USP15: variants seen among roughly 807,000 people sequenced by gnomAD.
USP15 encodes ubiquitin carboxyl-terminal hydrolase 15.
A neutral mutation model predicts 127.1 loss-of-function variants in USP15; 18 were observed. The observed-to-expected ratio is 0.14, with a 90% confidence interval of 0.10 to 0.21. USP15 has a LOEUF of 0.21. Among genes scored for constraint, USP15 ranks in the 10% least tolerant of loss-of-function variants. USP15 has a pLI of 1.00. For missense variants in USP15, 805 were observed against 1,159.9 expected (o/e 0.69, Z 4.44); for synonymous variants, 364 against 393.7 (o/e 0.92, Z 0.89).
At chr12:62,383,744 A>G (rs1387358730) in intron 9 of USP15, 96 bp from the exon 10 acceptor site, 4 of 1,330,962 alleles carry the variant, frequency 3.0e-6, no homozygotes, top group African/African-American at 3.0e-5. Context: ...CAAATTCACA[A>G]ATGTGGAATC....
intron 8 of USP15, among the ~76,000 whole-genome samples, chr12:62,359,252 AAAAG>A (rs1272859788): frequency 2.6e-5 from 4 of 151,654 alleles, no homozygotes; most frequent in African/African-American, 9.7e-5. Flanking sequence ...AAAAAAAAAA[AAAAG>A]AAACACATAA....
intron 8 of USP15, among the ~76,000 whole-genome samples, chr12:62,355,800 T>G (rs374843115): frequency 1.1e-4 from 16 of 149,070 alleles, no homozygotes; most frequent in African/African-American, 3.9e-4. Context: ...CATTATTCAG[T>G]AGAAGTCTGT....
At chr12:62,330,067 C>G (rs920171521) in intron 6 of USP15, among the ~76,000 whole-genome samples, 2 of 151,826 alleles carry the variant, frequency 1.3e-5, no homozygotes, top group Non-Finnish European at 2.9e-5. Context: ...ATCTTTAAAA[C>G]TAGATGAAAC....
At chr12:62,280,936 T>G (rs2063629176) in intron 1 of USP15, among the ~76,000 whole-genome samples, 2 of 152,330 alleles carry the variant, frequency 1.3e-5, no homozygotes, top group South Asian at 4.1e-4. Flanking sequence ...TTGGTTGATA[T>G]CCTAATGACT....
intron 8 of USP15, among the ~76,000 whole-genome samples, chr12:62,356,991 C>T (rs2066151071): frequency 1.3e-5 from 2 of 151,928 alleles, no homozygotes; most frequent in Admixed American, 1.3e-4. Flanking sequence ...TTTTATGTAC[C>T]TCTTTATCCT....
Position 62,405,325 on chromosome 12 carries a change from C to T in USP15, c.*950C>T, listed in dbSNP as rs1008396698. The T allele has an allele frequency of 1.1e-4, 17 of 152,132 alleles. 1 individual carries two copies. The highest frequency in any genetic ancestry group is 9.2e-4 in the Admixed American group (14 of 15,268). The allele number at this position is 152,132 out of a possible 1,614,324, so 9.4% of individuals were successfully genotyped here. On this transcript the variant is annotated 3_prime_UTR_variant, in exon 22 of 22. Coordinates refer to ENST00000280377, the MANE Select transcript of USP15 (RefSeq NM_001252078.2). ...TTAGATGAGAAATTTTTTTCATATA[C>T]TGGCCTTTAAATCATTAATGGACAA...
At chr12:62,315,533 A>G (rs919584239) in intron 4 of USP15, among the ~76,000 whole-genome samples, 5 of 152,188 alleles carry the variant, frequency 3.3e-5, no homozygotes, top group Non-Finnish European at 4.4e-5. Context: ...AATAAAAATT[A>G]CATGGTTTTT....
At chr12:62,260,631 G>A (rs902458954) in intron 1 of USP15, 128 bp downstream of exon 1, 1 of 830,832 alleles carries the variant, frequency 1.2e-6, no homozygotes. Context: ...GGGGCAGCGG[G>A]ATTTTGGCCG....
At position 62,408,942 on chromosome 12, in the gene USP15, T is replaced by TATTTTATAAGCTACATAGAATACATCAAA. The variant is rs2067965784; in HGVS notation, c.*4580_*4608dup. 6.6e-6 allele frequency: 1 copy of TATTTTATAAGCTACATAGAATACATCAAA among 152,156 alleles called. No individual in the cohort carries two copies. Among genetic ancestry groups the TATTTTATAAGCTACATAGAATACATCAAA allele is most frequent in the African/African-American group, 2.4e-5 (1 of 41,454 alleles). The allele number at this position is 152,156 out of a possible 1,614,324, so 9.4% of individuals were successfully genotyped here. A position where few individuals can be genotyped will look rare whatever the true frequency, so the allele number is the denominator to read the frequency against. On this transcript the variant is annotated 3_prime_UTR_variant, in exon 22 of 22. Transcript: ENST00000280377. ...AGAAAACTTTGGTTTAAAATTGAGT[T>TATTTTATAAGCTACATAGAATACATCAAA]ATTTTATAAGCTACATAGAATACAT...
At chr12:62,369,854 A>G (rs1274475955) in intron 8 of USP15, among the ~76,000 whole-genome samples, 1 of 152,202 alleles carries the variant, frequency 6.6e-6, no homozygotes, top group East Asian at 1.9e-4. Flanking sequence ...TTCCTTTTAT[A>G]CTTACAGTAG....
chr12:62,357,842 A>C (rs2066184006), intron 8 of USP15, among the ~76,000 whole-genome samples: 1 of 152,106 alleles, frequency 6.6e-6, no homozygotes, highest in Admixed American at 6.6e-5. Flanking sequence ...GAGGGAGTAC[A>C]AAATGGTGGC....
intron 5 of USP15, 156 bp downstream of exon 5, chr12:62,321,765 CT>C: frequency 4.0e-6 from 2 of 500,208 alleles, no homozygotes; most frequent in Non-Finnish European, 6.4e-6. Context: ...CTGACTCTGA[CT>C]TTTGATTCCC....
At chr12:62,314,080 A>G (rs542548754) in intron 3 of USP15, 5 of 809,032 alleles carry the variant, frequency 6.2e-6, no homozygotes, top group Admixed American at 6.2e-5. Flanking sequence ...TAATATATAC[A>G]TATTTCCTTT....
At chr12:62,341,034 C>T (rs963559281) in intron 6 of USP15, among the ~76,000 whole-genome samples, 1 of 152,110 alleles carries the variant, frequency 6.6e-6, no homozygotes, top group Admixed American at 6.5e-5. Flanking sequence ...TCTCTAAGAA[C>T]TTGTTTTATG....
chr12:62,404,577 A>G lies in USP15; in HGVS notation c.*202A>G, dbSNP rs1025509939. 3.7e-6 allele frequency: 2 copies of G among 546,972 alleles called. No homozygotes were observed. Among genetic ancestry groups the G allele is most frequent in the Non-Finnish European group, 5.4e-6 (2 of 368,578 alleles). 33.9% of individuals were successfully genotyped at this position (546,972 alleles called of 1,614,324 possible). On this transcript the variant is annotated 3_prime_UTR_variant, in exon 22 of 22. Coordinates refer to ENST00000280377, the MANE Select transcript of USP15 (RefSeq NM_001252078.2). ...TTTAACAGAAATTGTCTCTTAATAC[A>G]TTTACAGTCTTGTATTTACAAGCTA...
At chr12:62,350,038 TA>T (rs1457655814) in intron 7 of USP15, among the ~76,000 whole-genome samples, 1 of 151,960 alleles carries the variant, frequency 6.6e-6, no homozygotes, top group Non-Finnish European at 1.5e-5. Flanking sequence ...TTGACATGTA[TA>T]GTGCCTTTTA....
intron 1 of USP15, among the ~76,000 whole-genome samples, chr12:62,284,664 CATT>C (rs1005922176): frequency 1.8e-4 from 28 of 152,296 alleles, no homozygotes; most frequent in Middle Eastern, 3.4e-3. Flanking sequence ...TTAAATCTCT[CATT>C]AACCTTTATC....
intron 11 of USP15, among the ~76,000 whole-genome samples, chr12:62,384,579 C>A (rs2067089031): frequency 6.6e-6 from 1 of 151,346 alleles, no homozygotes; most frequent in Non-Finnish European, 1.5e-5. Flanking sequence ...TGAATATTAG[C>A]TTATGAAGAT....
intron 5 of USP15, among the ~76,000 whole-genome samples, chr12:62,325,384 T>G (rs2065097841): frequency 6.6e-6 from 1 of 151,990 alleles, no homozygotes; most frequent in Non-Finnish European, 1.5e-5. Flanking sequence ...CCAAATAAAT[T>G]CTACATAATC....
Sources: gnomAD v4.1 joint callset for allele counts (sites outside exome capture counted in the v4.1 genomes callset) on GRCh38, gnomAD v4.1.1 for gene constraint, MANE v1.5 for transcripts, NCBI Gene and HGNC (gene_info 2026-07-23, HGNC 2026-07-21) for gene names.